RERE: variants seen among roughly 807,000 people sequenced by gnomAD.
RERE encodes arginine-glutamic acid dipeptide repeats protein.
RERE carries 40 observed loss-of-function variants against 146.1 expected under a neutral mutation model. That is an observed-to-expected ratio of 0.27 (90% CI 0.21 to 0.36). The LOEUF is 0.36. RERE is among the 10% of genes least tolerant of loss of function. The pLI, the probability that RERE is intolerant of heterozygous loss-of-function variation, is 1.00. For missense variants in RERE, 1,933 were observed against 2,138.7 expected (o/e 0.90, Z 1.90); for synonymous variants, 1,003 against 866.0 (o/e 1.16, Z -2.78).
intron 6 of RERE, among the ~76,000 whole-genome samples, chr1:8,546,311 A>AG (rs944670155): frequency 4.1e-4 from 2 of 4,930 alleles, no homozygotes; most frequent in Admixed American, 2.4e-3. Context: ...AAAAATAAAT[A>AG]AAAATATATA....
At chr1:8,674,988 C>G (rs1638803007) in intron 1 of RERE, among the ~76,000 whole-genome samples, 1 of 152,196 alleles carries the variant, frequency 6.6e-6, no homozygotes, top group Non-Finnish European at 1.5e-5. Flanking sequence ...AAACAGCATT[C>G]TCCAGAGAAA....
chr1:8,394,557 CG>C (rs1642986802), intron 12 of RERE, among the ~76,000 whole-genome samples: 1 of 152,136 alleles, frequency 6.6e-6, no homozygotes, highest in South Asian at 2.1e-4. Flanking sequence ...CACACATTTC[CG>C]TTTTCCAGTA....
chr1:8,530,595 A>G (rs1645631189), intron 7 of RERE, among the ~76,000 whole-genome samples: 2 of 152,090 alleles, frequency 1.3e-5, no homozygotes, highest in East Asian at 3.9e-4. Flanking sequence ...ACATCAAGAG[A>G]GGAGAAGTAT....
intron 7 of RERE, among the ~76,000 whole-genome samples, chr1:8,528,501 T>A (rs1305912364): frequency 1.3e-5 from 2 of 152,290 alleles, no homozygotes; most frequent in South Asian, 4.1e-4. Flanking sequence ...ACTAAAGTAT[T>A]CAGGGGAAAG....
chr1:8,676,531 T>G (rs955667803), intron 1 of RERE, among the ~76,000 whole-genome samples: 1 of 151,470 alleles, frequency 6.6e-6, no homozygotes, highest in Admixed American at 6.6e-5. Flanking sequence ...AGTGTGACAT[T>G]AAATCAAAAT....
chr1:8,710,672 C>T (rs191179154), intron 1 of RERE, among the ~76,000 whole-genome samples: 19 of 152,242 alleles, frequency 1.2e-4, no homozygotes, highest in South Asian at 4.1e-4. Flanking sequence ...GTGCCCACCA[C>T]GCCCGGCTAA....
Position 8,365,937 on chromosome 1 carries a change from G to A in RERE, c.1322C>T (p.Thr441Ile). ...LITFYYYWKK[T>I]PEAASSRAHR... ...GGCTCGGGAGCTGGCTGCTTCGGGG[G>A]TCTTCTTCCAATAGTAATAGAAGGT... The change falls in exon 13 of 23, where the codon ACC becomes ATC. Residue 441 changes from threonine to isoleucine, a missense_variant. Physicochemically the swap from Thr to Ile is moderately conservative, Grantham distance 89. This residue lies in a region of RERE where 260 missense variants were observed against 378.4 expected (regional missense o/e 0.69). Transcript: ENST00000400908. The A allele has an allele frequency of 1.2e-6, 2 of 1,613,954 alleles. No individual in the cohort carries two copies. The highest frequency in any genetic ancestry group is 8.5e-7 in the Non-Finnish European group (1 of 1,180,032).
chr1:8,704,465 T>C (rs1639519593), intron 1 of RERE, among the ~76,000 whole-genome samples: 1 of 152,228 alleles, frequency 6.6e-6, no homozygotes, highest in Admixed American at 6.5e-5. Flanking sequence ...GCAAGTTTCA[T>C]GGAACTCTCA....
rs749152545 is a variant in RERE at position 8,661,046 on chromosome 1, C to G, written c.-144-4605G>C. Among the ~76,000 whole-genome samples the G allele has an allele frequency of 7.3e-5, 11 of 150,176 alleles. No individual in the cohort carries two copies. The Admixed American group carries it at 7.3e-4, about 10-fold the overall frequency. On this transcript the variant is annotated intron_variant, in intron 1 of 22. Coordinates refer to ENST00000400908, the MANE Select transcript of RERE (RefSeq NM_001042681.2). ...GAGACCACCAACAAAAGGCACCATA[C>G]CTAATGAGAAGATCTTACATGGGAA...
chr1:8,808,438 T>A (rs1641731235), intron 1 of RERE, among the ~76,000 whole-genome samples: 1 of 152,104 alleles, frequency 6.6e-6, no homozygotes, highest in African/African-American at 2.4e-5. Flanking sequence ...TAGATGACAA[T>A]AACAGTAATA....
intron 12 of RERE, among the ~76,000 whole-genome samples, chr1:8,373,783 T>C (rs1452900751): frequency 1.3e-5 from 2 of 152,228 alleles, no homozygotes; most frequent in Non-Finnish European, 1.5e-5. Flanking sequence ...ATCTGACAAC[T>C]GTTCAGAACA....
chr1:8,491,826 T>C lies in RERE; in HGVS notation c.1104+3237A>G, dbSNP rs1570329426. ...GAAATATACACTAATTACTCACAGGTTTCTTCTAAACTGATAAATGCCTAA... is the reference window on the plus strand; with the variant it reads ...GAAATATACACTAATTACTCACAGGCTTCTTCTAAACTGATAAATGCCTAA... On this transcript the variant is annotated intron_variant, in intron 10 of 22. Transcript: ENST00000400908. Among the ~76,000 whole-genome samples, 9 of 152,274 alleles carry C rather than the reference T, an allele frequency of 5.9e-5. No individual in the cohort carries two copies. The East Asian group carries it at 1.7e-3, about 29-fold the overall frequency.
intron 7 of RERE, among the ~76,000 whole-genome samples, chr1:8,525,196 A>G (rs1424782228): frequency 6.6e-6 from 1 of 152,240 alleles, no homozygotes; most frequent in Non-Finnish European, 1.5e-5. Flanking sequence ...TGTTGCAATC[A>G]TAATTCACAA....
chr1:8,467,632 T>C (rs369204125), intron 10 of RERE, among the ~76,000 whole-genome samples: 2 of 152,150 alleles, frequency 1.3e-5, no homozygotes, highest in African/African-American at 4.8e-5. Flanking sequence ...ATCACAAACA[T>C]TCATTTTCTT....
intron 4 of RERE, among the ~76,000 whole-genome samples, chr1:8,561,288 A>G (rs1192867760): frequency 1.3e-5 from 2 of 152,256 alleles, no homozygotes; most frequent in Admixed American, 1.3e-4. Context: ...TCCACAGATA[A>G]AACACACAAA....
Position 8,423,331 on chromosome 1 carries a change from G to C in RERE, c.1204-524C>G, listed in dbSNP as rs1214610161. The C allele has an allele frequency of 6.3e-6, 1 of 159,178 alleles. No individual in the cohort carries two copies. The highest frequency in any genetic ancestry group is 1.9e-4 in the East Asian group (1 of 5,214). The allele number at this position is 159,178 out of a possible 1,614,324, so 9.9% of individuals were successfully genotyped here. A position where few individuals can be genotyped will look rare whatever the true frequency, so the allele number is the denominator to read the frequency against. ...GGCACCAGTATCACAGAAGCCCACC[G>C]GGAACACGAAAGCCAGCGGGCCTGC... On this transcript the variant is annotated intron_variant, in intron 11 of 22. Coordinates refer to ENST00000400908, the MANE Select transcript of RERE (RefSeq NM_001042681.2). The surrounding 1 kb of genome is among the most constrained non-coding windows in gnomAD (Gnocchi z 5.4).
intron 4 of RERE, among the ~76,000 whole-genome samples, chr1:8,592,801 A>G (rs1321928926): frequency 6.6e-6 from 1 of 152,204 alleles, no homozygotes; most frequent in African/African-American, 2.4e-5. Flanking sequence ...GCGTGGAGAT[A>G]ATCCATGTTT....
intron 16 of RERE, among the ~76,000 whole-genome samples, chr1:8,362,400 G>A (rs534903222): frequency 9.9e-5 from 15 of 152,188 alleles, no homozygotes; most frequent in African/African-American, 3.6e-4. Flanking sequence ...AGGGAGGACT[G>A]TACTTGGCTC....
chr1:8,695,587 TAAAAAAA>T (rs34953565), intron 1 of RERE, among the ~76,000 whole-genome samples: 437 of 36,720 alleles, frequency 0.012, 5 homozygotes, highest in African/African-American at 0.05. Context: ...CCATTTCTAC[TAAAAAAA>T]AAAAAAAAAA....
Sources: allele counts gnomAD v4.1 joint callset (sites outside exome capture counted in the v4.1 genomes callset), GRCh38; gene constraint gnomAD v4.1.1; regional missense constraint gnomAD v4.1.1; non-coding constraint Gnocchi (gnomAD v3.1); transcripts MANE v1.5; gene names NCBI Gene and HGNC (gene_info 2026-07-23, HGNC 2026-07-21).